Variants in SUGCT observed in about 807,000 individuals in gnomAD.
SUGCT encodes succinyl-CoA:glutarate-CoA transferase, also known as succinyl-CoA:glutarate CoA-transferase.
SUGCT carries 41 observed loss-of-function variants against 55.0 expected under a neutral mutation model. That is an observed-to-expected ratio of 0.74 (90% confidence interval 0.58 to 0.97). The LOEUF (loss-of-function observed/expected upper bound fraction) is 0.97, where lower values mean the gene tolerates loss of function less well. Among genes scored for constraint, SUGCT ranks in the 50% least tolerant of loss-of-function variants. SUGCT has a pLI of 0.00. For missense variants in SUGCT, 568 were observed against 547.8 expected, an observed-to-expected ratio of 1.04 and a Z score of -0.37; for synonymous variants, 187 against 200.4, an observed-to-expected ratio of 0.93 and a Z score of 0.56.
rs142354981 is a variant in SUGCT at position 40,282,459 on chromosome 7, C to T, written c.720+7803C>T. Among the ~76,000 whole-genome samples the T allele has an allele frequency of 4.4e-3, 671 of 151,306 alleles. 1 individual carries two copies. Among genetic ancestry groups the T allele is most frequent in the African/African-American group, 0.016 (641 of 41,198 alleles). On this transcript the variant is annotated intron_variant, in intron 8 of 13. Coordinates refer to ENST00000335693, the MANE Select transcript of SUGCT (RefSeq NM_001193313.2). ...CTCTAGCCTGGGTGACAGAGCTAGACGCTGTCTCAAAAATACTGAAAAAAC... is the reference window on the plus strand; with the variant it reads ...CTCTAGCCTGGGTGACAGAGCTAGATGCTGTCTCAAAAATACTGAAAAAAC...
At chr7:40,896,810 T>A in the SUGCT span, among the ~76,000 whole-genome samples, 3 of 152,088 alleles carry the variant, frequency 2.0e-5, no homozygotes, top group Non-Finnish European at 4.4e-5. Context: ...TTTAACGCAA[T>A]CCCAATGAAA....
At chr7:40,478,957 T>A (rs1303404698) in intron 11 of SUGCT, among the ~76,000 whole-genome samples, 3 of 152,246 alleles carry the variant, frequency 2.0e-5, no homozygotes, top group Non-Finnish European at 4.4e-5. Flanking sequence ...GTGTCTGACT[T>A]ATTTAACTTT....
chr7:40,419,446 G>A (rs1187595830), intron 9 of SUGCT, among the ~76,000 whole-genome samples: 1 of 152,198 alleles, frequency 6.6e-6, no homozygotes, highest in African/African-American at 2.4e-5. Context: ...GGAAGGAAAT[G>A]AAGGAGAGTT....
chr7:40,181,994 T>A lies in SUGCT; in HGVS notation c.192T>A (p.Asp64Glu), dbSNP rs199580919. ...AGPFATMNLG[D>E]LGAEVIKVER... Reference sequence around the variant, plus strand: ...CTTTTGCTACTATGAATTTAGGAGATCTTGGAGCAGAAGTTATAAAAGTGG... The same window carrying A: ...CTTTTGCTACTATGAATTTAGGAGAACTTGGAGCAGAAGTTATAAAAGTGG... The change falls in exon 3 of 14, where the codon GAT (aspartate) becomes GAA (glutamate). Residue 64 changes from aspartate (D) to glutamate (E), a missense_variant. Transcript: ENST00000335693. 4.5e-4 allele frequency: 729 copies of A among 1,602,740 alleles called. No individual in the cohort carries two copies. Among genetic ancestry groups the A allele is most frequent in the Non-Finnish European group, 5.4e-4 (634 of 1,173,194 alleles).
intron 13 of SUGCT, among the ~76,000 whole-genome samples, chr7:40,822,568 C>T (rs1249326009): frequency 1.3e-5 from 2 of 151,632 alleles, no homozygotes; most frequent in Non-Finnish European, 3.0e-5. Flanking sequence ...GTCTGGGTAA[C>T]ATTGTCTTTT....
At chr7:40,860,212 A>G (rs909672001) in intron 13 of SUGCT, 104 bp from the exon 14 acceptor site, 31 of 1,360,806 alleles carry the variant, frequency 2.3e-5, no homozygotes, top group Non-Finnish European at 2.8e-5. Flanking sequence ...ACTGGCACTC[A>G]TTGATATTTT....
At chr7:40,341,844 A>G (rs886473384) in intron 9 of SUGCT, among the ~76,000 whole-genome samples, 2 of 152,198 alleles carry the variant, frequency 1.3e-5, no homozygotes, top group African/African-American at 4.8e-5. Context: ...AAACAAAAGT[A>G]CAGTTGAAGC....
At chr7:40,461,290 C>T (rs371515309) in intron 11 of SUGCT, among the ~76,000 whole-genome samples, 36 of 152,096 alleles carry the variant, frequency 2.4e-4, no homozygotes, top group African/African-American at 8.0e-4. Flanking sequence ...TGTGTTTTTC[C>T]AGTATTCAAA....
chr7:40,854,422 T>TTCTTTCTTTCTTTCTG (rs1794040260), intron 13 of SUGCT, among the ~76,000 whole-genome samples: 1 of 115,692 alleles, frequency 8.6e-6, no homozygotes, highest in Non-Finnish European at 1.8e-5. Flanking sequence ...TTTCTTTCCT[T>TTCTTTCTTTCTTTCTG]TCTTTCTTTC....
chr7:40,881,086 C>T, the SUGCT span, among the ~76,000 whole-genome samples: 1 of 152,190 alleles, frequency 6.6e-6, no homozygotes, highest in Non-Finnish European at 1.5e-5. Flanking sequence ...TCTCATCCTC[C>T]ACTATGAGAT....
At chr7:40,271,404 A>G (rs917466930) in intron 7 of SUGCT, among the ~76,000 whole-genome samples, 9 of 152,166 alleles carry the variant, frequency 5.9e-5, no homozygotes, top group African/African-American at 2.2e-4. Flanking sequence ...GTGGGATTAT[A>G]GGAATGAGCC....
At chr7:40,988,291 C>A in the SUGCT span, among the ~76,000 whole-genome samples, 2 of 148,770 alleles carry the variant, frequency 1.3e-5, no homozygotes, top group South Asian at 2.2e-4. Flanking sequence ...CCAAGAAGAC[C>A]CACAGGAATT....
At chr7:40,144,085 G>A (rs1426572130) in intron 1 of SUGCT, among the ~76,000 whole-genome samples, 1 of 152,158 alleles carries the variant, frequency 6.6e-6, no homozygotes, top group East Asian at 1.9e-4. Flanking sequence ...CTCTACACTG[G>A]GGGGCAAGAC....
At chr7:40,940,224 C>T in the SUGCT span, among the ~76,000 whole-genome samples, 2 of 152,012 alleles carry the variant, frequency 1.3e-5, no homozygotes, top group Non-Finnish European at 1.5e-5. Context: ...TATTCTGTTC[C>T]ATTAGTCTAT....
At chr7:40,291,258 A>G (rs1417133591) in intron 8 of SUGCT, among the ~76,000 whole-genome samples, 1 of 152,076 alleles carries the variant, frequency 6.6e-6, no homozygotes, top group Admixed American at 6.6e-5. Context: ...ACCAACCCAA[A>G]TGTCCATCAG....
chr7:40,352,117 A>G (rs1359848552), intron 9 of SUGCT, among the ~76,000 whole-genome samples: 1 of 152,236 alleles, frequency 6.6e-6, no homozygotes, highest in African/African-American at 2.4e-5. Flanking sequence ...AATGTAAATT[A>G]TCAGACCACA....
chr7:40,497,574 T>A (rs1415701849), intron 12 of SUGCT, among the ~76,000 whole-genome samples: 1 of 152,110 alleles, frequency 6.6e-6, no homozygotes, highest in Non-Finnish European at 1.5e-5. Flanking sequence ...ACACCATCAG[T>A]GGATTAATGC....
At chr7:40,339,324 G>T (rs534474469) in intron 9 of SUGCT, among the ~76,000 whole-genome samples, 1 of 152,268 alleles carries the variant, frequency 6.6e-6, no homozygotes, top group African/African-American at 2.4e-5. Context: ...CTTTTGTTTG[G>T]CTATGCCCTG....
chr7:40,581,534 C>T (rs1051277447), intron 12 of SUGCT, among the ~76,000 whole-genome samples: 2 of 152,144 alleles, frequency 1.3e-5, no homozygotes, highest in South Asian at 4.1e-4. Flanking sequence ...CCCTAAAATA[C>T]ATTAATCATG....
Sources: allele counts gnomAD v4.1 joint callset (sites outside exome capture counted in the v4.1 genomes callset), GRCh38; gene constraint gnomAD v4.1.1; transcripts MANE v1.5; gene names NCBI Gene and HGNC (gene_info 2026-07-23, HGNC 2026-07-21).